Variants in ENOX1 observed in about 807,000 individuals in gnomAD.
ENOX1 encodes ecto-NOX disulfide-thiol exchanger 1.
ENOX1 carries 42 observed loss-of-function variants against 82.5 expected under a neutral mutation model. The ratio of observed to expected loss-of-function variants is 0.51; its 90% CI spans 0.40 to 0.66. ENOX1 has a LOEUF of 0.66. Ranked by LOEUF, ENOX1 falls within the 30% of genes least tolerant of loss-of-function variation. The pLI, the probability that ENOX1 is intolerant of heterozygous loss-of-function variation, is 0.00. For missense variants in ENOX1, 608 were observed against 811.6 expected (o/e 0.75, Z 3.05); for synonymous variants, 271 against 282.2 (o/e 0.96, Z 0.40).
intron 2 of ENOX1, among the ~76,000 whole-genome samples, chr13:43,563,725 T>C (rs1336627218): frequency 6.6e-6 from 1 of 152,114 alleles, no homozygotes; most frequent in East Asian, 1.9e-4. Context: ...TGAGCCACTG[T>C]ATGCCAATAC....
chr13:43,620,294 G>A (rs1212255935), intron 2 of ENOX1, among the ~76,000 whole-genome samples: 1 of 151,636 alleles, frequency 6.6e-6, no homozygotes, highest in African/African-American at 2.4e-5. Context: ...CTGGGTTTGA[G>A]CTTGGTTTGT....
At chr13:43,630,046 C>A (rs2083135169) in intron 2 of ENOX1, among the ~76,000 whole-genome samples, 1 of 152,164 alleles carries the variant, frequency 6.6e-6, no homozygotes, top group Non-Finnish European at 1.5e-5. Flanking sequence ...TTATATTAAA[C>A]AAAACTTCCC....
intron 11 of ENOX1, among the ~76,000 whole-genome samples, chr13:43,309,236 G>C (rs1306401514): frequency 6.6e-6 from 1 of 151,946 alleles, no homozygotes; most frequent in African/African-American, 2.4e-5. Flanking sequence ...TGGCCAGGCT[G>C]GTCTGGAACT....
intron 3 of ENOX1, among the ~76,000 whole-genome samples, chr13:43,444,192 G>A (rs929498006): frequency 2.0e-5 from 3 of 152,144 alleles, no homozygotes; most frequent in African/African-American, 7.2e-5. Context: ...TAAAACATAA[G>A]CCTTAACCTT....
At chr13:43,565,562 T>TACCAC (rs2079881207) in intron 2 of ENOX1, among the ~76,000 whole-genome samples, 1 of 151,974 alleles carries the variant, frequency 6.6e-6, no homozygotes, top group Non-Finnish European at 1.5e-5. Flanking sequence ...ATAACCAGGG[T>TACCAC]GGTCACAGCT....
At chr13:43,564,260 T>A (rs1453943147) in intron 2 of ENOX1, among the ~76,000 whole-genome samples, 1 of 152,054 alleles carries the variant, frequency 6.6e-6, no homozygotes, top group African/African-American at 2.4e-5. Context: ...TGTTAAAATA[T>A]CCATACTACG....
chr13:43,631,420 C>T lies in ENOX1; in HGVS notation c.-219+36059G>A, dbSNP rs537926636. 3.9e-5 allele frequency among the ~76,000 whole-genome samples: 6 copies of T among 152,262 alleles called. No individual in the cohort carries two copies. In the East Asian group the frequency reaches 9.7e-4, roughly 25 times the overall value. On this transcript the variant is annotated intron_variant, in intron 2 of 16. Coordinates refer to ENST00000690772, the MANE Select transcript of ENOX1 (RefSeq NM_001347969.2). ...GAATTCTTATTTCCTGTCAGTGGTG[C>T]GGCCAGGTAAGCCTGGGGCTCTTTC...
intron 3 of ENOX1, among the ~76,000 whole-genome samples, chr13:43,451,689 C>G (rs1213113131): frequency 6.6e-6 from 1 of 152,184 alleles, no homozygotes; most frequent in African/African-American, 2.4e-5. Flanking sequence ...GTTAGTCTTG[C>G]TCCTAGTCTC....
At chr13:43,535,927 T>G (rs538641340) in intron 2 of ENOX1, among the ~76,000 whole-genome samples, 15 of 152,274 alleles carry the variant, frequency 9.9e-5, no homozygotes, top group African/African-American at 3.6e-4. Context: ...AGCGTCACAT[T>G]CACTAGAATA....
At chr13:43,543,415 A>G (rs2078830757) in intron 2 of ENOX1, among the ~76,000 whole-genome samples, 1 of 152,108 alleles carries the variant, frequency 6.6e-6, no homozygotes, top group Admixed American at 6.6e-5. Flanking sequence ...TTTGTTTCAC[A>G]TATAGATGAG....
At chr13:43,335,780 AAAAG>A (rs2048670806) in intron 9 of ENOX1, among the ~76,000 whole-genome samples, 1 of 151,550 alleles carries the variant, frequency 6.6e-6, no homozygotes. Flanking sequence ...AAAAAAAAAA[AAAAG>A]AAAAGAAAAA....
chr13:43,780,317 C>CAA (rs56908774), intron 1 of ENOX1, among the ~76,000 whole-genome samples: 6,523 of 135,038 alleles, frequency 0.048, 399 homozygotes, highest in African/African-American at 0.15. Flanking sequence ...GTTCCCTGGA[C>CAA]AAAAAAAAAA....
chr13:43,724,993 G>A (rs137887713), intron 1 of ENOX1, among the ~76,000 whole-genome samples: 1 of 152,264 alleles, frequency 6.6e-6, no homozygotes, highest in Non-Finnish European at 1.5e-5. Context: ...CAAGGGGAGA[G>A]AGAGGGCACA....
At chr13:43,282,565 CG>C (rs1161360162) in intron 12 of ENOX1, among the ~76,000 whole-genome samples, 2 of 151,364 alleles carry the variant, frequency 1.3e-5, no homozygotes, top group Non-Finnish European at 2.9e-5. Flanking sequence ...CTGGAACTAC[CG>C]GCATGTGCCA....
At chr13:43,312,818 C>T (rs1211829554) in intron 11 of ENOX1, among the ~76,000 whole-genome samples, 1 of 152,054 alleles carries the variant, frequency 6.6e-6, no homozygotes, top group Non-Finnish European at 1.5e-5. Context: ...GGGTGCGTTG[C>T]CTATATTGAA....
At chr13:43,482,702 T>G (rs2058553647) in intron 3 of ENOX1, among the ~76,000 whole-genome samples, 1 of 151,642 alleles carries the variant, frequency 6.6e-6, no homozygotes, top group Non-Finnish European at 1.5e-5. Flanking sequence ...GGTATGAAGG[T>G]TTGAAAACAA....
intron 9 of ENOX1, among the ~76,000 whole-genome samples, chr13:43,339,296 A>G (rs1391392757): frequency 6.6e-6 from 1 of 152,204 alleles, no homozygotes; most frequent in East Asian, 1.9e-4. Flanking sequence ...TAGGCCAAAC[A>G]TTTGAGCCTA....
chr13:43,753,494 T>C (rs1370431177), intron 1 of ENOX1, among the ~76,000 whole-genome samples: 2 of 152,192 alleles, frequency 1.3e-5, no homozygotes, highest in African/African-American at 4.8e-5. Flanking sequence ...AATTGATTTT[T>C]ATTTATGGAT....
intron 2 of ENOX1, among the ~76,000 whole-genome samples, chr13:43,602,270 T>G (rs2081757759): frequency 6.6e-6 from 1 of 151,988 alleles, no homozygotes; most frequent in South Asian, 2.1e-4. Context: ...CTTTACTATA[T>G]GAGGATATTT....
Sources: gnomAD v4.1 joint callset for allele counts (sites outside exome capture counted in the v4.1 genomes callset) on GRCh38, gnomAD v4.1.1 for gene constraint, MANE v1.5 for transcripts, NCBI Gene and HGNC (gene_info 2026-07-23, HGNC 2026-07-21) for gene names.